The following CHST9 variants were observed in gnomAD, a reference collection of about 807,000 sequenced individuals.
The protein encoded by CHST9 is GalNAc-4-sulfotransferase 2.
In CHST9, 41 loss-of-function variants were observed where a neutral mutation model predicts 44.4. The ratio of observed to expected loss-of-function variants is 0.92; its 90% confidence interval spans 0.72 to 1.20. The LOEUF is 1.20. CHST9 is among the 50% of genes most tolerant of loss of function. The pLI is 0.00. For missense variants in CHST9, 504 were observed against 516.5 expected, an observed-to-expected ratio of 0.98 and a Z score of 0.23; for synonymous variants, 171 against 178.4, an observed-to-expected ratio of 0.96 and a Z score of 0.33.
chr18:27,152,288 TAGA>T, intron 1 of CHST9, among the ~76,000 whole-genome samples: 1 of 152,246 alleles, frequency 6.6e-6, no homozygotes, highest in East Asian at 1.9e-4. Context: ...TTCTTTGTTT[TAGA>T]AGAAAAAGTT....
At chr18:27,007,466 G>A (rs2057030515) in intron 4 of CHST9, among the ~76,000 whole-genome samples, 1 of 152,170 alleles carries the variant, frequency 6.6e-6, no homozygotes, top group Admixed American at 6.5e-5. Context: ...GTGGTTACGT[G>A]GCTCTCATGT....
chr18:26,994,852 G>T (rs2056866297), intron 4 of CHST9, among the ~76,000 whole-genome samples: 1 of 152,246 alleles, frequency 6.6e-6, no homozygotes, highest in Non-Finnish European at 1.5e-5. Context: ...GCCTCCCAAA[G>T]TGCTGGGATT....
chr18:26,945,883 C>T (rs4800776), intron 4 of CHST9, among the ~76,000 whole-genome samples: 23,350 of 152,016 alleles, frequency 0.15, 2,023 homozygotes, highest in East Asian at 0.24. Flanking sequence ...AACTTACTGG[C>T]CAATTAGTCA....
intron 5 of CHST9, among the ~76,000 whole-genome samples, chr18:26,927,937 C>T (rs968115836): frequency 3.9e-5 from 6 of 152,122 alleles, no homozygotes; most frequent in East Asian, 1.9e-4. Flanking sequence ...GAGGTCCCTG[C>T]CGCCTTCCGT....
At chr18:27,153,546 C>CTGTGTGTGTGTGTGTG (rs370815871) in intron 1 of CHST9, among the ~76,000 whole-genome samples, 6 of 138,504 alleles carry the variant, frequency 4.3e-5, no homozygotes, top group Non-Finnish European at 7.9e-5. Flanking sequence ...CTCTCTCTCT[C>CTGTGTGTGTGTGTGTG]TGTGTGTGTG....
chr18:27,181,077 T>C (rs2058908066), intron 1 of CHST9, among the ~76,000 whole-genome samples: 2 of 152,190 alleles, frequency 1.3e-5, no homozygotes, highest in South Asian at 4.1e-4. Context: ...CCATTCTCCT[T>C]ACTTCCATAA....
chr18:27,131,099 A>G (rs2058467614), intron 2 of CHST9, among the ~76,000 whole-genome samples: 1 of 152,226 alleles, frequency 6.6e-6, no homozygotes, highest in Non-Finnish European at 1.5e-5. Context: ...AATACTTTTC[A>G]CTACAAACTA....
In CHST9 at chr18:26,910,157, A is replaced by G. The variant is rs2055421292; in HGVS notation, c.*6102T>C. On this transcript the variant is annotated 3_prime_UTR_variant, in exon 6 of 6. Transcript: ENST00000618847. The stretch of plus-strand genomic sequence containing the variant: ...GTCGTTGCCAGGGGACCCAGTGGCT[A>G]CGACAGAAAGATGCCAAAAAAAGGT... The G allele has an allele frequency of 6.6e-6, 1 of 152,156 alleles. No individual in the cohort carries two copies. The highest frequency in any genetic ancestry group is 1.5e-5 in the Non-Finnish European group (1 of 68,020). 9.4% of individuals were successfully genotyped at this position (152,156 alleles called of 1,614,324 possible). A position where few individuals can be genotyped will look rare whatever the true frequency, so the allele number is the denominator to read the frequency against.
intron 4 of CHST9, among the ~76,000 whole-genome samples, chr18:27,010,675 G>A (rs2057072827): frequency 2.0e-5 from 3 of 152,156 alleles, no homozygotes; most frequent in Admixed American, 2.0e-4. Context: ...ACGAGAGAGA[G>A]TTCCCATCTC....
chr18:27,066,035 G>T (rs374831766), intron 2 of CHST9, among the ~76,000 whole-genome samples: 1 of 152,146 alleles, frequency 6.6e-6, no homozygotes, highest in Non-Finnish European at 1.5e-5. Flanking sequence ...CAGTAAAGGT[G>T]GCATGTAGAG....
chr18:26,971,116 C>CA (rs2056537129), intron 4 of CHST9, among the ~76,000 whole-genome samples: 1 of 152,158 alleles, frequency 6.6e-6, no homozygotes, highest in Non-Finnish European at 1.5e-5. Flanking sequence ...TGATTCTGAG[C>CA]ACATCTTCTG....
chr18:26,964,660 C>A (rs531674828), intron 4 of CHST9, among the ~76,000 whole-genome samples: 68 of 152,376 alleles, frequency 4.5e-4, no homozygotes, highest in African/African-American at 1.6e-3. Context: ...TGCCTTCCCA[C>A]CTCCAGCAGA....
At chr18:27,050,145 T>C (rs375269525) in intron 2 of CHST9, among the ~76,000 whole-genome samples, 19 of 152,222 alleles carry the variant, frequency 1.2e-4, no homozygotes, top group Non-Finnish European at 2.8e-4. Context: ...GGGAAGTAAG[T>C]GTGTGATGAG....
At chr18:27,026,855 G>T (rs932969491) in intron 3 of CHST9, among the ~76,000 whole-genome samples, 4 of 151,808 alleles carry the variant, frequency 2.6e-5, no homozygotes, top group East Asian at 3.9e-4. Context: ...GATTGAAAAA[G>T]AATTAAGACT....
At chr18:26,955,616 G>T (rs2056311995) in intron 4 of CHST9, among the ~76,000 whole-genome samples, 2 of 152,164 alleles carry the variant, frequency 1.3e-5, no homozygotes, top group Non-Finnish European at 2.9e-5. Context: ...CTTGGGGTGT[G>T]TCTGGGGATG....
intron 1 of CHST9, among the ~76,000 whole-genome samples, chr18:27,147,963 G>C (rs1010433700): frequency 1.3e-5 from 2 of 151,374 alleles, no homozygotes; most frequent in African/African-American, 2.4e-5. Flanking sequence ...TTGTCACCCA[G>C]GTATTAAGCC....
At chr18:27,086,723 A>G (rs1304066176) in intron 2 of CHST9, among the ~76,000 whole-genome samples, 1 of 152,216 alleles carries the variant, frequency 6.6e-6, no homozygotes, top group African/African-American at 2.4e-5. Context: ...AAACACATAC[A>G]CATAAAATAA....
intron 5 of CHST9, among the ~76,000 whole-genome samples, chr18:26,941,344 G>T (rs1490736074): frequency 6.6e-6 from 1 of 151,932 alleles, no homozygotes; most frequent in Non-Finnish European, 1.5e-5. Context: ...ATTCACTAAG[G>T]GTTTCAATTA....
At chr18:27,183,961 GTGAGT>G (rs1216209075) in intron 1 of CHST9, among the ~76,000 whole-genome samples, 5 of 152,158 alleles carry the variant, frequency 3.3e-5, no homozygotes, top group African/African-American at 1.2e-4. Context: ...ATGTGTATAT[GTGAGT>G]TGAAAAGAGG....
Sources: allele counts gnomAD v4.1 joint callset (sites outside exome capture counted in the v4.1 genomes callset), GRCh38; gene constraint gnomAD v4.1.1; transcripts MANE v1.5; gene names NCBI Gene and HGNC (gene_info 2026-07-23, HGNC 2026-07-21).